Variants in CDC42EP5 observed in about 807,000 individuals in gnomAD.
CDC42EP5 encodes the protein CDC42 effector protein 5, also known as CDC42 effector protein (Rho GTPase binding) 5.
For synonymous variants in CDC42EP5, 118 were observed against 123.3 expected (o/e 0.96, Z 0.28); for missense variants, 269 against 238.0 (o/e 1.13, Z -0.86).
Position 54,465,326 on chromosome 19 carries a change from G to GGGC in CDC42EP5, c.219_221dup (p.Pro74dup), listed in dbSNP as rs2084733433. The GGGC allele has an allele frequency of 2.5e-6, 3 of 1,189,732 alleles. No individual in the cohort carries two copies. The highest frequency in any genetic ancestry group is 4.5e-5 in the Admixed American group (1 of 22,036). The allele number at this position is 1,189,732 out of a possible 1,614,324, so 73.7% of individuals were successfully genotyped here. ...AGGGCGCTGCGGACTGCGGGACGGCGGGCGGCGGCGGGGAGCGCGGGGCCC... is the reference window on the plus strand; with the variant it reads ...AGGGCGCTGCGGACTGCGGGACGGCGGGCGGCGGCGGCGGGGAGCGCGGGGCCC... On this transcript the variant is annotated inframe_insertion, in exon 3 of 3. Coordinates refer to ENST00000301200, the MANE Select transcript of CDC42EP5 (RefSeq NM_145057.4).
intron 2 of CDC42EP5, among the ~76,000 whole-genome samples, chr19:54,466,532 C>T (rs1310312265): frequency 6.6e-6 from 1 of 152,210 alleles, no homozygotes; most frequent in Non-Finnish European, 1.5e-5. Flanking sequence ...GTCCATTAAG[C>T]AAAGCAGATC....
chr19:54,467,568 C>CT (rs550861744), intron 2 of CDC42EP5, among the ~76,000 whole-genome samples: 93,917 of 137,922 alleles, frequency 0.68, 31,946 homozygotes, highest in East Asian at 0.77. Context: ...GCACCAAATT[C>CT]TTTTTTTTTT....
intron 2 of CDC42EP5, among the ~76,000 whole-genome samples, chr19:54,469,302 G>A (rs1405270910): frequency 1.3e-5 from 2 of 151,912 alleles, no homozygotes; most frequent in African/African-American, 4.8e-5. Flanking sequence ...CCCCTACTCT[G>A]ATATTTTCTA....
intron 2 of CDC42EP5, among the ~76,000 whole-genome samples, chr19:54,468,981 CTCCT>C (rs1175448701): frequency 4.4e-5 from 6 of 135,120 alleles, no homozygotes; most frequent in Middle Eastern, 8.3e-3. Context: ...TTCTTTCTTT[CTCCT>C]TCCTTCCTTC....
intron 2 of CDC42EP5, among the ~76,000 whole-genome samples, chr19:54,468,450 A>G (rs1174325365): frequency 3.3e-5 from 5 of 152,052 alleles, no homozygotes; most frequent in Admixed American, 3.3e-4. Context: ...AATTTCTCTG[A>G]CCTCAACCTA....
At position 54,465,344 on chromosome 19, in the gene CDC42EP5, CG is replaced by C; in HGVS notation, c.203del (p.Pro68ArgfsTer75). The C allele has an allele frequency of 8.6e-7, 1 of 1,163,484 alleles. No homozygotes were observed. The highest frequency in any genetic ancestry group is 4.2e-5 in the South Asian group (1 of 23,720). 72.1% of individuals were successfully genotyped at this position (1,163,484 alleles called of 1,614,324 possible). On this transcript the variant is annotated frameshift_variant, in exon 3 of 3. Coordinates refer to ENST00000301200, the MANE Select transcript of CDC42EP5 (RefSeq NM_145057.4). LOFTEE classifies it low-confidence loss of function (END_TRUNC). ...PEPRAPPAGA[P>X]RSPPPPAVPQ... ...GGACGGCGGGCGGCGGCGGGGAGCGCGGGGCCCCCGCGGGGGGCGCCCGGGG... is the reference window on the plus strand; with the variant it reads ...GGACGGCGGGCGGCGGCGGGGAGCGCGGGCCCCCGCGGGGGGCGCCCGGGG...
Position 54,465,128 on chromosome 19 carries a change from G to T in CDC42EP5, c.420C>A (p.Leu140=). The T allele has an allele frequency of 7.2e-7, 1 of 1,388,572 alleles. No homozygotes were observed. The highest frequency in any genetic ancestry group is 2.9e-5 in the East Asian group (1 of 34,112). 86.0% of individuals were successfully genotyped at this position (1,388,572 alleles called of 1,614,324 possible). Residue 140 remains leucine, a synonymous_variant, in exon 3 of 3, where the codon CTC becomes CTA. Transcript: ENST00000301200. ...PQARCRPNAD[L]ELNDVIGL ...AGAGGCCGATGACGTCGTTCAGCTC[G>T]AGGTCCGCGTTGGGGCGGCAGCGGG...
intron 2 of CDC42EP5, 65 bp from the exon 3 acceptor site, chr19:54,465,612 A>C (rs2084746062): frequency 7.3e-7 from 1 of 1,376,292 alleles, no homozygotes; most frequent in Non-Finnish European, 9.4e-7. Flanking sequence ...CGACTGCTCA[A>C]AGGACGATGG....
chr19:54,465,635 GTTTT>G (rs1180277638), intron 2 of CDC42EP5, 88 bp from the exon 3 acceptor site: 3 of 1,300,170 alleles, frequency 2.3e-6, no homozygotes, highest in African/African-American at 3.1e-5. Context: ...GACGGTTCCC[GTTTT>G]TTGTTTTTTG....
chr19:54,470,365 C>T (rs1249158442), intron 2 of CDC42EP5, among the ~76,000 whole-genome samples: 1 of 144,270 alleles, frequency 6.9e-6, no homozygotes, highest in African/African-American at 2.5e-5. Flanking sequence ...GAAAGAGACC[C>T]TGTCTCAAGA....
intron 2 of CDC42EP5, among the ~76,000 whole-genome samples, chr19:54,471,215 C>T (rs1295917788): frequency 1.3e-5 from 2 of 152,108 alleles, no homozygotes; most frequent in African/African-American, 4.8e-5. Flanking sequence ...CGCGTTCTCC[C>T]CCCGCCTCCG....
chr19:54,470,256 CA>C (rs1322786621), intron 2 of CDC42EP5, among the ~76,000 whole-genome samples: 3 of 151,954 alleles, frequency 2.0e-5, no homozygotes, highest in African/African-American at 7.3e-5. Context: ...CCTGCAGTTC[CA>C]GCTACCTGGG....
intron 1 of CDC42EP5, among the ~76,000 whole-genome samples, 186 bp from the exon 2 acceptor site, chr19:54,471,871 C>A (rs1226115640): frequency 1.5e-5 from 2 of 134,446 alleles, no homozygotes; most frequent in African/African-American, 5.7e-5. Flanking sequence ...GGGGTCAAGA[C>A]CCCCCAGCCC....
At chr19:54,472,783 C>T (rs1163595528) in intron 1 of CDC42EP5, among the ~76,000 whole-genome samples, 1 of 114,706 alleles carries the variant, frequency 8.7e-6, no homozygotes, top group Non-Finnish European at 1.8e-5. Flanking sequence ...CCCCTCTTCC[C>T]TCAGACTCAG....
Position 54,465,517 on chromosome 19 carries a change from G to T in CDC42EP5, c.31C>A (p.Gln11Lys). The T allele has an allele frequency of 6.5e-7, 1 of 1,538,786 alleles. No homozygotes were observed. MPVLKQLGPAQPKKRPDRGAL... is the reference protein window; with the variant it reads MPVLKQLGPAKPKKRPDRGAL... Reference sequence around the variant, plus strand: ...CCGCGATCAGGCCGCTTCTTGGGCTGCGCGGGGCCCAGCTGCTTCAGCACG... The same window carrying T: ...CCGCGATCAGGCCGCTTCTTGGGCTTCGCGGGGCCCAGCTGCTTCAGCACG... The change falls in exon 3 of 3, where the codon CAG (glutamine) becomes AAG (lysine). Residue 11 changes from glutamine (Q) to lysine (K), a missense_variant. Transcript: ENST00000301200.
Position 54,465,163 on chromosome 19 carries a change from G to GCTGC in CDC42EP5, c.381_384dup (p.Pro129AlafsTer?). The GCTGC allele has an allele frequency of 7.1e-7, 1 of 1,409,830 alleles. No homozygotes were observed. Among genetic ancestry groups the GCTGC allele is most frequent in the Non-Finnish European group, 9.2e-7 (1 of 1,089,780 alleles). 87.3% of individuals were successfully genotyped at this position (1,409,830 alleles called of 1,614,324 possible). A position where few individuals can be genotyped will look rare whatever the true frequency, so the allele number is the denominator to read the frequency against. ...TTGGGGCGGCAGCGGGCCTGGGGGG[G>GCTGC]CTGCGTCCCGGGGCGGGGTTCCGCG... On this transcript the variant is annotated frameshift_variant, in exon 3 of 3. Coordinates refer to ENST00000301200, the MANE Select transcript of CDC42EP5 (RefSeq NM_145057.4). LOFTEE classifies it high-confidence loss of function.
intron 2 of CDC42EP5, among the ~76,000 whole-genome samples, chr19:54,470,164 T>C (rs1032107192): frequency 6.6e-6 from 1 of 152,038 alleles, no homozygotes; most frequent in African/African-American, 2.4e-5. Flanking sequence ...GCCCAGGAGT[T>C]TGAGACCAGA....
In CDC42EP5 at chr19:54,465,306, G is replaced by C. The variant is rs1032633481; in HGVS notation, c.242C>G (p.Ala81Gly). 1.6e-6 allele frequency: 2 copies of C among 1,225,350 alleles called. No individual in the cohort carries two copies. Among genetic ancestry groups the C allele is most frequent in the African/African-American group, 1.6e-5 (1 of 63,584 alleles). 75.9% of individuals were successfully genotyped at this position (1,225,350 alleles called of 1,614,324 possible). A position where few individuals can be genotyped will look rare whatever the true frequency, so the allele number is the denominator to read the frequency against. The change falls in exon 3 of 3, where the codon GCG becomes GGG. Residue 81 changes from alanine (A) to glycine (G), a missense_variant. Ala to Gly is a moderately conservative substitution (Grantham distance 60). Coordinates refer to ENST00000301200, the MANE Select transcript of CDC42EP5 (RefSeq NM_145057.4). Reference sequence around the variant, plus strand: ...CAGCAGCGGGTCGGCAGGCGAGGGCGCTGCGGACTGCGGGACGGCGGGCGG... The same window carrying C: ...CAGCAGCGGGTCGGCAGGCGAGGGCCCTGCGGACTGCGGGACGGCGGGCGG... ...PPPPAVPQSA[A>G]PSPADPLLSF...
rs770799137 is a variant in CDC42EP5 at position 54,465,106 on chromosome 19, G to T, written c.442C>A (p.Leu148Ile). The change falls in exon 3 of 3, where the codon CTC becomes ATC. Residue 148 changes from leucine (L) to isoleucine (I), a missense_variant. Coordinates refer to ENST00000301200, the MANE Select transcript of CDC42EP5 (RefSeq NM_145057.4). ...ADLELNDVIG[L>I] ...GGCGCGGGGAATGAGGGAACCTAGA[G>T]GCCGATGACGTCGTTCAGCTCGAGG... 7.3e-7 allele frequency: 1 copy of T among 1,369,262 alleles called. No homozygotes were observed. Among genetic ancestry groups the T allele is most frequent in the South Asian group, 1.8e-5 (1 of 56,596 alleles). The allele number at this position is 1,369,262 out of a possible 1,614,324, so 84.8% of individuals were successfully genotyped here. A position where few individuals can be genotyped will look rare whatever the true frequency, so the allele number is the denominator to read the frequency against.
Sources: allele counts gnomAD v4.1 joint callset (sites outside exome capture counted in the v4.1 genomes callset), GRCh38; gene constraint gnomAD v4.1.1; transcripts MANE v1.5; gene names NCBI Gene and HGNC (gene_info 2026-07-23, HGNC 2026-07-21).